RANBP2: variants seen among roughly 807,000 people sequenced by gnomAD.
The protein encoded by RANBP2 is RAN binding protein 2, also known as E3 SUMO-protein ligase RanBP2.
Under a neutral mutation model 303.6 loss-of-function variants are expected in RANBP2, and 57 were observed. The observed-to-expected ratio is 0.19, with a 90% CI of 0.15 to 0.23. The LOEUF is 0.23. RANBP2 is among the 10% of genes least tolerant of loss of function. The probability of loss-of-function intolerance (pLI) is 1.00; values close to 1 mark genes in which losing one functional copy is unlikely to be tolerated. For synonymous variants in RANBP2, 1,167 were observed against 1,301.5 expected, an observed-to-expected ratio of 0.90 and a Z score of 2.23; for missense variants, 3,138 against 3,780.8, an observed-to-expected ratio of 0.83 and a Z score of 4.46.
At chr2:109,589,075 C>T in the RANBP2 span, among the ~76,000 whole-genome samples, 2 of 151,632 alleles carry the variant, frequency 1.3e-5, no homozygotes, top group African/African-American at 4.8e-5. Flanking sequence ...GGATTATAGG[C>T]GCCACCACGC....
chr2:109,397,628 CTG>C, the RANBP2 span, among the ~76,000 whole-genome samples: 2 of 152,196 alleles, frequency 1.3e-5, no homozygotes, highest in Non-Finnish European at 2.9e-5. Context: ...ACTGACCTAA[CTG>C]AGGCCCTGAG....
the RANBP2 span, among the ~76,000 whole-genome samples, chr2:108,938,213 C>T: frequency 1.3e-5 from 2 of 152,162 alleles, no homozygotes; most frequent in East Asian, 3.8e-4. Flanking sequence ...ACTTTTTCCG[C>T]TAGTCTTTAT....
At chr2:108,863,918 G>A in the RANBP2 span, among the ~76,000 whole-genome samples, 3 of 152,296 alleles carry the variant, frequency 2.0e-5, no homozygotes, top group East Asian at 5.8e-4. Flanking sequence ...GTCTCTGAAT[G>A]CTGCCAGATT....
chr2:109,715,001 C>T, the RANBP2 span, among the ~76,000 whole-genome samples: 5 of 136,316 alleles, frequency 3.7e-5, no homozygotes, highest in African/African-American at 1.4e-4. Flanking sequence ...TGGAGTTTCG[C>T]TCTTGTTGCC....
At chr2:108,720,939 C>A (rs1220503426) in intron 1 of RANBP2, among the ~76,000 whole-genome samples, 2 of 152,138 alleles carry the variant, frequency 1.3e-5, no homozygotes, top group Non-Finnish European at 2.9e-5. Flanking sequence ...GTCCCAGCTA[C>A]CCGGGAGGCT....
At chr2:109,014,601 C>A in the RANBP2 span, among the ~76,000 whole-genome samples, 1 of 152,214 alleles carries the variant, frequency 6.6e-6, no homozygotes, top group Non-Finnish European at 1.5e-5. Context: ...TCCTCGGAAC[C>A]TACAGTCACA....
chr2:108,755,781 T>C (rs1676264392), intron 17 of RANBP2, among the ~76,000 whole-genome samples: 1 of 152,062 alleles, frequency 6.6e-6, no homozygotes, highest in Non-Finnish European at 1.5e-5. Context: ...TGGAGTGCAG[T>C]GGTGCGATCT....
chr2:109,031,973 C>G, the RANBP2 span, among the ~76,000 whole-genome samples: 1 of 150,660 alleles, frequency 6.6e-6, no homozygotes, highest in East Asian at 2.0e-4. Flanking sequence ...GCTCGCTGCC[C>G]TCCCTCCCAT....
the RANBP2 span, among the ~76,000 whole-genome samples, chr2:109,471,516 G>A: frequency 6.6e-6 from 1 of 152,090 alleles, no homozygotes; most frequent in African/African-American, 2.4e-5. Flanking sequence ...TGACACATGG[G>A]GATTACAATT....
the RANBP2 span, among the ~76,000 whole-genome samples, chr2:109,332,180 C>G: frequency 6.6e-6 from 1 of 152,136 alleles, no homozygotes; most frequent in Admixed American, 6.5e-5. Context: ...ATCTGCGGCC[C>G]GGAGCCCTCT....
chr2:109,633,830 GC>G, the RANBP2 span, among the ~76,000 whole-genome samples: 207 of 152,098 alleles, frequency 1.4e-3, 2 homozygotes, highest in African/African-American at 4.4e-3. Flanking sequence ...GGGTTGATGT[GC>G]AAAAAGTCAG....
At chr2:109,474,617 G>T in the RANBP2 span, among the ~76,000 whole-genome samples, 9 of 152,208 alleles carry the variant, frequency 5.9e-5, no homozygotes, top group Admixed American at 3.3e-4. Context: ...GGCAGGGGGG[G>T]AGAACGCAGG....
the RANBP2 span, among the ~76,000 whole-genome samples, chr2:109,578,049 C>CT: frequency 6.6e-6 from 1 of 151,590 alleles, no homozygotes; most frequent in Non-Finnish European, 1.5e-5. Flanking sequence ...TCATCTTCAA[C>CT]TTTAAGTGAA....
the RANBP2 span, among the ~76,000 whole-genome samples, chr2:108,925,774 C>T: frequency 9.9e-5 from 15 of 152,130 alleles, no homozygotes; most frequent in Non-Finnish European, 1.9e-4. Flanking sequence ...TGCACCACGA[C>T]GCCTGGCTAA....
chr2:109,263,128 G>A, the RANBP2 span, among the ~76,000 whole-genome samples: 1 of 152,190 alleles, frequency 6.6e-6, no homozygotes, highest in African/African-American at 2.4e-5. Context: ...TTATAGGCGT[G>A]AGCCACCACG....
chr2:109,092,994 G>C, the RANBP2 span, among the ~76,000 whole-genome samples: 1 of 152,204 alleles, frequency 6.6e-6, no homozygotes, highest in African/African-American at 2.4e-5. Context: ...ACCAATACCA[G>C]ATGAGATTTC....
chr2:108,910,322 T>C, the RANBP2 span: 327 of 704,920 alleles, frequency 4.6e-4, 2 homozygotes, highest in South Asian at 4.9e-3. Flanking sequence ...AAAGAGGTGG[T>C]GGGGACTGTC....
At chr2:109,377,031 A>C in the RANBP2 span, among the ~76,000 whole-genome samples, 1 of 152,260 alleles carries the variant, frequency 6.6e-6, no homozygotes, top group East Asian at 1.9e-4. Context: ...AGCCGCTCAG[A>C]GTCCGGGCTA....
At chr2:108,950,480 T>C in the RANBP2 span, among the ~76,000 whole-genome samples, 1,188 of 152,236 alleles carry the variant, frequency 7.8e-3, 10 homozygotes, top group South Asian at 0.029. Context: ...CGATGGTGTT[T>C]AACAGCACAT....
Sources: gnomAD v4.1 joint callset for allele counts (sites outside exome capture counted in the v4.1 genomes callset) on GRCh38, gnomAD v4.1.1 for gene constraint, MANE v1.5 for transcripts, NCBI Gene and HGNC (gene_info 2026-07-23, HGNC 2026-07-21) for gene names.